Variants in ELF5 observed in about 807,000 individuals in gnomAD.
ELF5 encodes ETS-related transcription factor Elf-5.
ELF5 carries 31 observed loss-of-function variants against 38.2 expected under a neutral mutation model. The observed-to-expected ratio is 0.81, with a 90% CI of 0.61 to 1.10. ELF5 has a LOEUF of 1.10. Among genes scored for constraint, ELF5 ranks in the 50% least tolerant of loss-of-function variants. The pLI, the probability that ELF5 is intolerant of heterozygous loss-of-function variation, is 0.00. For missense variants in ELF5, 300 were observed against 306.6 expected, an observed-to-expected ratio of 0.98 and a Z score of 0.16; for synonymous variants, 121 against 112.5, an observed-to-expected ratio of 1.08 and a Z score of -0.48.
intron 2 of ELF5, among the ~76,000 whole-genome samples, chr11:34,504,847 C>T (rs1200658457): frequency 2.0e-5 from 3 of 152,104 alleles, no homozygotes; most frequent in Non-Finnish European, 4.4e-5. Context: ...TGGAGAAATC[C>T]AGGCTGAGAA....
intron 3 of ELF5, chr11:34,492,340 C>T (rs1850199452): frequency 6.6e-6 from 1 of 152,254 alleles, no homozygotes; most frequent in East Asian, 1.9e-4. Context: ...GCCAAAGAAT[C>T]ACAGAGCAGG....
At chr11:34,508,626 C>A (rs993161346) in intron 1 of ELF5, among the ~76,000 whole-genome samples, 2 of 152,174 alleles carry the variant, frequency 1.3e-5, no homozygotes, top group African/African-American at 4.8e-5. Context: ...GCCTGCTAAT[C>A]CTAAAATACC....
intron 2 of ELF5, among the ~76,000 whole-genome samples, chr11:34,494,491 G>A (rs1850266834): frequency 1.3e-5 from 2 of 152,126 alleles, no homozygotes; most frequent in Non-Finnish European, 2.9e-5. Context: ...TGTTTTTGGT[G>A]GTGTTCAGAG....
rs113748667 is a variant in ELF5 at position 34,512,050 on chromosome 11, G to T, written c.-5+1627C>A. On this transcript the variant is annotated intron_variant, in intron 1 of 6. Transcript: ENST00000257832. ...AGAAAATCGGTTTTCCTTCCTTAAA[G>T]CCTCAGTGATACCCAAATGTCCACT... Among the ~76,000 whole-genome samples, 433 of 152,300 alleles carry T rather than the reference G, an allele frequency of 2.8e-3. 4 individuals are homozygous for T. Among genetic ancestry groups the T allele is most frequent in the African/African-American group, 9.7e-3 (403 of 41,562 alleles).
chr11:34,490,128 G>A (rs895825654), intron 3 of ELF5, 69 bp from the exon 4 acceptor site: 7 of 1,559,270 alleles, frequency 4.5e-6, no homozygotes, highest in East Asian at 2.2e-5. Context: ...GGCCAGGAGA[G>A]GGGGTGTTGG....
intron 3 of ELF5, chr11:34,493,182 C>G (rs933243204): frequency 3.6e-6 from 2 of 555,524 alleles, no homozygotes; most frequent in Non-Finnish European, 6.4e-6. Context: ...GGTTTCAAAT[C>G]ATTATGAATA....
At position 34,481,124 on chromosome 11, in the gene ELF5, G is replaced by A. The variant is rs574122833; in HGVS notation, c.476-157C>T. On this transcript the variant is annotated intron_variant, in intron 5 of 6. Transcript: ENST00000257832. The stretch of plus-strand genomic sequence containing the variant: ...TGCAACCTCTGCCTCCTGGGTTCAA[G>A]CGATTCTTCTGCCTCAGCCTCCCAA... Among the ~76,000 whole-genome samples the A allele has an allele frequency of 2.8e-4, 43 of 152,194 alleles. No individual in the cohort carries two copies. In the South Asian group the frequency reaches 8.5e-3, roughly 30 times the overall value.
chr11:34,506,999 A>T (rs72927368), intron 1 of ELF5, among the ~76,000 whole-genome samples: 17,614 of 152,210 alleles, frequency 0.12, 1,279 homozygotes, highest in Admixed American at 0.2. Flanking sequence ...ATACTGTTTC[A>T]TACATACATA....
chr11:34,505,863 T>C, intron 1 of ELF5, 110 bp from the exon 2 acceptor site: 1 of 1,341,182 alleles, frequency 7.5e-7, no homozygotes, highest in Non-Finnish European at 9.9e-7. Context: ...TGATAACAAA[T>C]ATGTCACTCA....
At chr11:34,501,284 C>T (rs919141605) in intron 2 of ELF5, among the ~76,000 whole-genome samples, 3 of 152,184 alleles carry the variant, frequency 2.0e-5, no homozygotes, top group Non-Finnish European at 4.4e-5. Context: ...CTGGTGGTCC[C>T]TAAGGAACCT....
chr11:34,481,465 C>T (rs973185619), intron 5 of ELF5, among the ~76,000 whole-genome samples: 2 of 152,178 alleles, frequency 1.3e-5, no homozygotes, highest in African/African-American at 4.8e-5. Context: ...TGTCTCCCAT[C>T]GAAGCAATTG....
chr11:34,482,534 T>C (rs1390503236), intron 4 of ELF5, 35 bp from the exon 5 acceptor site: 2 of 1,556,524 alleles, frequency 1.3e-6, no homozygotes, highest in Non-Finnish European at 1.8e-6. Context: ...TGGAAAGGGA[T>C]ATAGAGGCCA....
Position 34,480,103 on chromosome 11 carries a change from G to C in ELF5, c.*115C>G. The C allele has an allele frequency of 1.2e-6, 1 of 812,658 alleles. No homozygotes were observed. Among genetic ancestry groups the C allele is most frequent in the Non-Finnish European group, 2.0e-6 (1 of 511,510 alleles). 50.3% of individuals were successfully genotyped at this position (812,658 alleles called of 1,614,324 possible). A position where few individuals can be genotyped will look rare whatever the true frequency, so the allele number is the denominator to read the frequency against. On this transcript the variant is annotated 3_prime_UTR_variant, in exon 7 of 7. Transcript: ENST00000257832. ...GCTGAGATGTGGAGAAATTTTATCA[G>C]CATGTTTGCAGGTTAAAAAAAAAGA...
At chr11:34,486,927 C>A (rs1189938985) in intron 4 of ELF5, among the ~76,000 whole-genome samples, 1 of 152,226 alleles carries the variant, frequency 6.6e-6, no homozygotes, top group Non-Finnish European at 1.5e-5. Context: ...GACATCAGCA[C>A]TGAAAGGCAG....
chr11:34,500,657 C>G (rs1199109849), intron 2 of ELF5, among the ~76,000 whole-genome samples: 2 of 152,272 alleles, frequency 1.3e-5, no homozygotes, highest in Non-Finnish European at 2.9e-5. Context: ...AGGTGGCCAA[C>G]AGTGAGTCCT....
chr11:34,493,659 C>A lies in ELF5; in HGVS notation c.175G>T (p.Val59Leu). The A allele has an allele frequency of 6.2e-7, 1 of 1,614,236 alleles. No homozygotes were observed. The highest frequency in any genetic ancestry group is 8.5e-7 in the Non-Finnish European group (1 of 1,180,042). ...VHPEYWTKRH[V>L]WEWLQFCCDQ... ...CAGCAGAACTGGAGCCACTCCCACA[C>A]ATGGCGCTTAGTCCAGTATTCAGGG... The change falls in exon 3 of 7, where the codon GTG becomes TTG. Residue 59 changes from valine (V) to leucine (L), a missense_variant. Transcript: ENST00000257832.
At chr11:34,499,510 T>C (rs1176770650) in intron 2 of ELF5, among the ~76,000 whole-genome samples, 1 of 152,200 alleles carries the variant, frequency 6.6e-6, no homozygotes, top group Non-Finnish European at 1.5e-5. Flanking sequence ...TCCCAAATTG[T>C]TGGGATTTCA....
intron 2 of ELF5, among the ~76,000 whole-genome samples, chr11:34,499,027 G>T (rs1039235233): frequency 1.1e-4 from 17 of 151,946 alleles, no homozygotes; most frequent in African/African-American, 3.9e-4. Flanking sequence ...GGAGGTGGAG[G>T]TTGCAGTGAG....
intron 3 of ELF5, chr11:34,492,020 C>A (rs1424354636): frequency 6.6e-6 from 1 of 152,188 alleles, no homozygotes; most frequent in Non-Finnish European, 1.5e-5. Context: ...GCTGGCATTG[C>A]CAAACTGCAT....
Sources: gnomAD v4.1 joint callset for allele counts (sites outside exome capture counted in the v4.1 genomes callset) on GRCh38, gnomAD v4.1.1 for gene constraint, MANE v1.5 for transcripts, NCBI Gene and HGNC (gene_info 2026-07-23, HGNC 2026-07-21) for gene names.